The following ADORA2B variants were observed in gnomAD, a reference collection of about 807,000 sequenced individuals.
ADORA2B encodes adenosine A2b receptor, also known as adenosine receptor A2b.
A neutral mutation model predicts 20.8 loss-of-function variants in ADORA2B; 18 were observed. The ratio of observed to expected loss-of-function variants is 0.87; its 90% CI spans 0.60 to 1.29. The LOEUF (loss-of-function observed/expected upper bound fraction) is 1.29, where lower values mean the gene tolerates loss of function less well. ADORA2B is among the 50% of genes most tolerant of loss of function. The pLI, the probability that ADORA2B is intolerant of heterozygous loss-of-function variation, is 0.00. For missense variants in ADORA2B, 441 were observed against 422.7 expected (o/e 1.04, Z -0.38); for synonymous variants, 179 against 178.3 (o/e 1.00, Z -0.03).
the ADORA2B span, among the ~76,000 whole-genome samples, chr17:15,926,471 A>G: frequency 6.6e-6 from 1 of 152,032 alleles, no homozygotes; most frequent in Non-Finnish European, 1.5e-5. Context: ...TGCGGGGGGA[A>G]CCATGTGACA....
chr17:15,946,494 G>A (rs1969808084), intron 1 of ADORA2B, among the ~76,000 whole-genome samples: 1 of 152,174 alleles, frequency 6.6e-6, no homozygotes, highest in South Asian at 2.1e-4. Flanking sequence ...TTGGTGCCTG[G>A]GCCACTTTGG....
Position 15,966,080 on chromosome 17 carries a change from G to A in ADORA2B, c.336-8599G>A, listed in dbSNP as rs568891531. ...TTCACAGAAGTCCTGTTAATATGTG[G>A]AATAAGATAACATGAGGTTTTCTAA... On this transcript the variant is annotated intron_variant, in intron 1 of 1. Transcript: ENST00000304222. Among the ~76,000 whole-genome samples the A allele has an allele frequency of 9.8e-5, 15 of 152,294 alleles. 1 individual carries two copies. Among genetic ancestry groups the A allele is most frequent in the African/African-American group, 3.4e-4 (14 of 41,560 alleles).
At chr17:15,937,853 G>T in the ADORA2B span, among the ~76,000 whole-genome samples, 1 of 152,134 alleles carries the variant, frequency 6.6e-6, no homozygotes, top group Non-Finnish European at 1.5e-5. Flanking sequence ...GATTACAGGC[G>T]TGAGCGACCA....
intron 1 of ADORA2B, among the ~76,000 whole-genome samples, chr17:15,969,247 G>A (rs542959438): frequency 3.3e-5 from 5 of 152,110 alleles, no homozygotes; most frequent in African/African-American, 9.6e-5. Flanking sequence ...TCAGGAGATC[G>A]AGACCATCCT....
At chr17:15,893,361 T>A in the ADORA2B span, among the ~76,000 whole-genome samples, 3 of 152,258 alleles carry the variant, frequency 2.0e-5, no homozygotes, top group African/African-American at 7.2e-5. Flanking sequence ...AAAATAATGT[T>A]AAGTTTCTTT....
chr17:15,909,398 T>C, the ADORA2B span, among the ~76,000 whole-genome samples: 1 of 152,238 alleles, frequency 6.6e-6, no homozygotes, highest in East Asian at 1.9e-4. Context: ...ATAACATTTT[T>C]AGCTCTCATA....
At chr17:15,936,162 G>A in the ADORA2B span, among the ~76,000 whole-genome samples, 1 of 152,122 alleles carries the variant, frequency 6.6e-6, no homozygotes, top group Non-Finnish European at 1.5e-5. Flanking sequence ...GGGATTACAG[G>A]CATGAGCCAC....
chr17:15,916,744 G>A, the ADORA2B span, among the ~76,000 whole-genome samples: 1 of 152,138 alleles, frequency 6.6e-6, no homozygotes, highest in Non-Finnish European at 1.5e-5. Context: ...TTCTTTCTTT[G>A]GAGGCAGAAA....
the ADORA2B span, among the ~76,000 whole-genome samples, chr17:15,862,226 T>C: frequency 1.0e-4 from 14 of 137,430 alleles, no homozygotes; most frequent in Non-Finnish European, 1.8e-4. Context: ...TTTTTTTTTT[T>C]TTTTTTTGAG....
rs1477975384 is a variant in ADORA2B, at chr17:15,945,245, G to T, written c.-4G>T. ...GGGGCGCCCGGGGCCCAGCTGGCCC[G>T]GCCATGCTGCTGGAGACACAGGACG... On this transcript the variant is annotated 5_prime_UTR_variant, in exon 1 of 2. Coordinates refer to ENST00000304222, the MANE Select transcript of ADORA2B (RefSeq NM_000676.4). The T allele has an allele frequency of 7.0e-7, 1 of 1,421,038 alleles. No homozygotes were observed. The highest frequency in any genetic ancestry group is 9.1e-7 in the Non-Finnish European group (1 of 1,093,080). 88.0% of individuals were successfully genotyped at this position (1,421,038 alleles called of 1,614,324 possible). A position where few individuals can be genotyped will look rare whatever the true frequency, so the allele number is the denominator to read the frequency against.
chr17:15,945,204 G>T lies in ADORA2B; in HGVS notation c.-45G>T. 1 of 1,371,992 alleles carries T rather than the reference G, an allele frequency of 7.3e-7. No homozygotes were observed. The highest frequency in any genetic ancestry group is 1.7e-5 in the South Asian group (1 of 59,200). The allele number at this position is 1,371,992 out of a possible 1,614,324, so 85.0% of individuals were successfully genotyped here. ...GGTCTCACGCGGCTGCCCCTCGCCC[G>T]GCGCGCCTTCGGTAGGGGGCGCCCG... On this transcript the variant is annotated 5_prime_UTR_variant, in exon 1 of 2. Coordinates refer to ENST00000304222, the MANE Select transcript of ADORA2B (RefSeq NM_000676.4).
At chr17:15,910,792 C>T in the ADORA2B span, among the ~76,000 whole-genome samples, 1 of 152,144 alleles carries the variant, frequency 6.6e-6, no homozygotes, top group Non-Finnish European at 1.5e-5. Context: ...GAGCTCGGTC[C>T]CCTCCTCCAA....
At chr17:15,862,211 CTTTTTTTTTTT>C in the ADORA2B span, among the ~76,000 whole-genome samples, 2 of 96,292 alleles carry the variant, frequency 2.1e-5, no homozygotes, top group African/African-American at 5.5e-5. Flanking sequence ...CTTTTCTTTT[CTTTTTTTTTTT>C]TTTTTTTTTT....
the ADORA2B span, among the ~76,000 whole-genome samples, chr17:15,908,225 C>T: frequency 2.0e-5 from 3 of 152,132 alleles, no homozygotes; most frequent in East Asian, 5.8e-4. Flanking sequence ...GTAGCTGGAA[C>T]TACAGGTGTG....
At chr17:15,968,461 G>T (rs932656564) in intron 1 of ADORA2B, among the ~76,000 whole-genome samples, 2 of 152,158 alleles carry the variant, frequency 1.3e-5, no homozygotes, top group African/African-American at 4.8e-5. Context: ...GTGCTGAGGG[G>T]TCTGGTTATG....
the ADORA2B span, among the ~76,000 whole-genome samples, chr17:15,904,444 A>C: frequency 1.5e-5 from 2 of 133,608 alleles, no homozygotes; most frequent in Admixed American, 8.8e-5. Context: ...CCCAGGCTGG[A>C]GTGCAGTGGT....
chr17:15,958,755 G>A (rs1430619059), intron 1 of ADORA2B, among the ~76,000 whole-genome samples: 1 of 152,062 alleles, frequency 6.6e-6, no homozygotes, highest in Admixed American at 6.5e-5. Flanking sequence ...TTTTCTCTGT[G>A]CCCCTGAAAA....
the ADORA2B span, chr17:15,908,584 G>T: frequency 5.1e-6 from 1 of 194,664 alleles, no homozygotes; most frequent in South Asian, 1.1e-4. Context: ...CTGACTGGTA[G>T]AGCATGATGC....
chr17:15,947,444 G>T (rs1015964013), intron 1 of ADORA2B, among the ~76,000 whole-genome samples: 2 of 152,134 alleles, frequency 1.3e-5, no homozygotes, highest in African/African-American at 4.8e-5. Flanking sequence ...GTGAGGTCTT[G>T]AAAAAAATGG....
Sources: gnomAD v4.1 joint callset for allele counts (sites outside exome capture counted in the v4.1 genomes callset) on GRCh38, gnomAD v4.1.1 for gene constraint, MANE v1.5 for transcripts, NCBI Gene and HGNC (gene_info 2026-07-23, HGNC 2026-07-21) for gene names.